KMT2A: variants seen among roughly 807,000 people sequenced by gnomAD.
KMT2A encodes lysine methyltransferase 2A, also known as histone-lysine N-methyltransferase 2A.
A neutral mutation model predicts 345.3 loss-of-function variants in KMT2A; 16 were observed. That is an observed-to-expected ratio of 0.05 (90% CI 0.03 to 0.07). The LOEUF (loss-of-function observed/expected upper bound fraction) is 0.07, where lower values mean the gene tolerates loss of function less well. Among genes scored for constraint, KMT2A ranks in the 10% least tolerant of loss-of-function variants. The probability of loss-of-function intolerance (pLI) is 1.00; values close to 1 mark genes in which losing one functional copy is unlikely to be tolerated. For synonymous variants in KMT2A, 1,599 were observed against 1,778.6 expected (o/e 0.90, Z 2.54); for missense variants, 3,272 against 4,841.6 (o/e 0.68, Z 9.62).
rs1555035777 is a variant in KMT2A, at chr11:118,472,192, A to G, written c.1033A>G (p.Lys345Glu). 2 of 1,613,854 alleles carry G rather than the reference A, an allele frequency of 1.2e-6. No homozygotes were observed. The highest frequency in any genetic ancestry group is 1.7e-6 in the Non-Finnish European group (2 of 1,179,976). ...AACACCTCCACTTACAAAAGAAGAT[A>G]AGACAGTTGTCAGACAAAGCCCTCG... ...EGTPPLTKED[K>E]TVVRQSPRRI... is the part of the protein sequence containing the mutation. The change falls in exon 3 of 36, where the codon AAG (lysine) becomes GAG (glutamate). Residue 345 changes from lysine (K) to glutamate (E), a missense_variant. Around this residue, in one of 27 missense-constraint regions of KMT2A, gnomAD observed 412 missense variants for 511.0 expected, o/e 0.81. Coordinates refer to ENST00000534358, the MANE Select transcript of KMT2A (RefSeq NM_001197104.2).
In KMT2A at chr11:118,520,805, G is replaced by A. The variant is rs376914389; in HGVS notation, c.11433G>A (p.Arg3811=). ...EEEVQLKSAR[R]ATSMDLPMPM... The stretch of plus-strand genomic sequence containing the variant: ...AATAGTATGTCTTATCTCTTAGGAG[G>A]GCAACTAGCATGGATCTGCCAATGC... The change falls in exon 34 of 36, where the codon AGG becomes AGA. Residue 3811 remains arginine (R), a synonymous_variant. Transcript: ENST00000534358. This position sits in a 1 kb window ranked among gnomAD's most constrained non-coding sequence, Gnocchi z 4.3. 2 of 1,613,380 alleles carry A rather than the reference G, an allele frequency of 1.2e-6. No individual in the cohort carries two copies. The highest frequency in any genetic ancestry group is 1.7e-6 in the Non-Finnish European group (2 of 1,179,526).
chr11:118,436,844 G>T lies in KMT2A; in HGVS notation c.332G>T (p.Gly111Val), dbSNP rs1555138772. ...SGPALLRVGPGFDAALQVSAA... is the reference protein window; with the variant it reads ...SGPALLRVGPVFDAALQVSAA... The stretch of plus-strand genomic sequence containing the variant: ...CCGGCCCTGCTCCGGGTGGGCCCGG[G>T]CTTCGACGCGGCGCTGCAGGTCTCG... The change falls in exon 1 of 36, where the codon GGC becomes GTC. Residue 111 changes from glycine to valine, a missense_variant. Physicochemically the swap from Gly to Val is moderately radical, Grantham distance 109. Transcript: ENST00000534358. This position sits in a 1 kb window ranked among gnomAD's most constrained non-coding sequence, Gnocchi z 6.9. The T allele has an allele frequency of 6.2e-7, 1 of 1,603,522 alleles. No individual in the cohort carries two copies. Among genetic ancestry groups the T allele is most frequent in the African/African-American group, 1.3e-5 (1 of 74,588 alleles).
chr11:118,463,598 G>A (rs1370866817), intron 1 of KMT2A, among the ~76,000 whole-genome samples: 1 of 152,076 alleles, frequency 6.6e-6, no homozygotes, highest in Non-Finnish European at 1.5e-5. Flanking sequence ...AATATTTATT[G>A]TTTTATATTG....
chr11:118,517,943 G>A (rs1000889623), intron 31 of KMT2A, among the ~76,000 whole-genome samples: 1 of 152,146 alleles, frequency 6.6e-6, no homozygotes, highest in African/African-American at 2.4e-5. Flanking sequence ...GGAGTGCAGT[G>A]GCATGATCGT....
intron 1 of KMT2A, among the ~76,000 whole-genome samples, chr11:118,465,060 T>C (rs927214374): frequency 2.0e-5 from 3 of 152,164 alleles, no homozygotes; most frequent in Non-Finnish European, 4.4e-5. Context: ...TCAGTATCAT[T>C]AAGTATGCTG....
intron 31 of KMT2A, among the ~76,000 whole-genome samples, chr11:118,517,476 TGTGTTACATA>T (rs1950846068): frequency 6.6e-6 from 1 of 152,086 alleles, no homozygotes; most frequent in African/African-American, 2.4e-5. Flanking sequence ...CTTATACAGT[TGTGTTACATA>T]GTGTTACATA....
intron 2 of KMT2A, among the ~76,000 whole-genome samples, chr11:118,469,907 G>C (rs1301314544): frequency 6.6e-6 from 1 of 152,170 alleles, no homozygotes; most frequent in Non-Finnish European, 1.5e-5. Flanking sequence ...GGCCAGTAGT[G>C]TCCCAGTATC....
chr11:118,494,689 T>C lies in KMT2A; in HGVS notation c.5290-5T>C. On this transcript the variant is annotated splice_polypyrimidine_tract_variant and splice_region_variant and intron_variant, in intron 17 of 35. Transcript: ENST00000534358. The surrounding 1 kb of genome is among the most constrained non-coding windows in gnomAD (Gnocchi z 5.8). ...TATTTACATTTTGTTTGTGTTTTCT[T>C]TTAGCAAATGGAACGTGTTTTTCCA... 6.2e-7 allele frequency: 1 copy of C among 1,613,252 alleles called. No individual in the cohort carries two copies. Among genetic ancestry groups the C allele is most frequent in the Non-Finnish European group, 8.5e-7 (1 of 1,179,490 alleles).
At chr11:118,518,851 G>A (rs1316209312) in intron 31 of KMT2A, among the ~76,000 whole-genome samples, 2 of 151,234 alleles carry the variant, frequency 1.3e-5, no homozygotes, top group African/African-American at 4.9e-5. Flanking sequence ...GCCAAGGCGG[G>A]TGGATCACGA....
At position 118,504,138 on chromosome 11, in the gene KMT2A, A is replaced by C; in HGVS notation, c.8246A>C (p.Lys2749Thr). Residue 2749 changes from lysine to threonine, a missense_variant, in exon 27 of 36, where the codon AAA becomes ACA. By Grantham distance (78) the Lys-to-Thr change is moderately conservative. Coordinates refer to ENST00000534358, the MANE Select transcript of KMT2A (RefSeq NM_001197104.2). The surrounding 1 kb of genome is among the most constrained non-coding windows in gnomAD (Gnocchi z 6.4). ...KSSQIPKRNG[K>T]ENGTENLKID... Reference sequence around the variant, plus strand: ...AGCCAGATTCCAAAAAGAAATGGTAAAGAAAATGGAACAGAGAACTTAAAG... The same window carrying C: ...AGCCAGATTCCAAAAAGAAATGGTACAGAAAATGGAACAGAGAACTTAAAG... 1 of 1,614,246 alleles carries C rather than the reference A, an allele frequency of 6.2e-7. No individual in the cohort carries two copies. Among genetic ancestry groups the C allele is most frequent in the Non-Finnish European group, 8.5e-7 (1 of 1,180,044 alleles).
At chr11:118,512,125 A>T (rs782759721) in intron 31 of KMT2A, 100 bp downstream of exon 31, 26 of 1,071,650 alleles carry the variant, frequency 2.4e-5, no homozygotes, top group Non-Finnish European at 3.1e-5. Flanking sequence ...TCAGTTAAAA[A>T]TTTTTTTCAC....
chr11:118,506,677 T>C (rs1950590078), intron 27 of KMT2A, 31 bp downstream of exon 27: 1 of 1,541,898 alleles, frequency 6.5e-7, no homozygotes, highest in African/African-American at 1.4e-5. Flanking sequence ...CTAGGCTGGG[T>C]CTGTGGGATT....
In KMT2A at chr11:118,497,962, C is replaced by A. The variant is rs782256438; in HGVS notation, c.5691C>A (p.Gly1897=). The A allele has an allele frequency of 1.9e-6, 3 of 1,612,958 alleles. No individual in the cohort carries two copies. Among genetic ancestry groups the A allele is most frequent in the Non-Finnish European group, 1.7e-6 (2 of 1,179,028 alleles). Residue 1897 remains glycine (G), a synonymous_variant, in exon 21 of 36, where the codon GGC becomes GGA. Transcript: ENST00000534358. This position sits in a 1 kb window ranked among gnomAD's most constrained non-coding sequence, Gnocchi z 4.8. ...ATGCTGGTCGTTTACTATATATTGG[C>A]CAAAATGAGTGGACACATGTAAATT... The part of the protein sequence containing the change: ...ANDAGRLLYI[G]QNEWTHVNCA...
intron 1 of KMT2A, among the ~76,000 whole-genome samples, chr11:118,461,932 T>A (rs1949751372): frequency 6.6e-6 from 1 of 152,080 alleles, no homozygotes; most frequent in Non-Finnish European, 1.5e-5. Context: ...AAAGGAGGAC[T>A]TTTTTGCAGC....
Position 118,498,653 on chromosome 11 carries a change from C to T in KMT2A, c.5961+125C>T, listed in dbSNP as rs987435672. The T allele has an allele frequency of 1.8e-5, 16 of 874,972 alleles. No individual in the cohort carries two copies. The South Asian group carries it at 2.4e-4, about 13-fold the overall frequency. The allele number at this position is 874,972 out of a possible 1,614,324, so 54.2% of individuals were successfully genotyped here. A position where few individuals can be genotyped will look rare whatever the true frequency, so the allele number is the denominator to read the frequency against. On this transcript the variant is annotated intron_variant, in intron 22 of 35. Transcript: ENST00000534358. The surrounding 1 kb of genome is among the most constrained non-coding windows in gnomAD (Gnocchi z 4.4). The stretch of plus-strand genomic sequence containing the variant: ...TATGCCCCCTGCACCCACATATGCA[C>T]AGCCTCCCCCATGATCAGCATCCCC...
chr11:118,482,777 A>G (rs1555039717), intron 8 of KMT2A, among the ~76,000 whole-genome samples: 2 of 151,340 alleles, frequency 1.3e-5, no homozygotes, highest in Admixed American at 1.3e-4. Flanking sequence ...GAAGAAGAAG[A>G]AGAAGTTAGC....
Position 118,436,919 on chromosome 11 carries a change from G to A in KMT2A, c.407G>A (p.Ser136Asn), listed in dbSNP as rs782313440. Residue 136 changes from serine (S) to asparagine (N), a missense_variant, in exon 1 of 36, where the codon AGC becomes AAC. Coordinates refer to ENST00000534358, the MANE Select transcript of KMT2A (RefSeq NM_001197104.2). This position sits in a 1 kb window ranked among gnomAD's most constrained non-coding sequence, Gnocchi z 6.9. ...LRRFRAVFGE[S>N]GGGGGSGEDE... ...CGGTTCCGGGCCGTGTTTGGGGAGA[G>A]CGGCGGGGGAGGCGGCAGCGGAGAG... 2 of 1,556,572 alleles carry A rather than the reference G, an allele frequency of 1.3e-6. No homozygotes were observed. Among genetic ancestry groups the A allele is most frequent in the Admixed American group, 3.7e-5 (2 of 53,556 alleles).
intron 2 of KMT2A, among the ~76,000 whole-genome samples, chr11:118,471,416 CTT>C (rs1208439726): frequency 1.3e-5 from 2 of 152,070 alleles, no homozygotes; most frequent in Non-Finnish European, 2.9e-5. Context: ...CAACTGAAAA[CTT>C]TTTATTATCT....
In KMT2A at chr11:118,475,058, C is replaced by T. The variant is rs1054180830; in HGVS notation, c.3156+743C>T. On this transcript the variant is annotated intron_variant, in intron 3 of 35. Coordinates refer to ENST00000534358, the MANE Select transcript of KMT2A (RefSeq NM_001197104.2). ...TGAGGCACAAGAATCTCTTGAACCC[C>T]GGAGGTAGAGATGGCAGTGAGCTGA... 5.9e-5 allele frequency among the ~76,000 whole-genome samples: 9 copies of T among 152,174 alleles called. No individual in the cohort carries two copies. In the East Asian group the frequency reaches 9.7e-4, roughly 16 times the overall value.
Sources: gnomAD v4.1 joint callset for allele counts (sites outside exome capture counted in the v4.1 genomes callset) on GRCh38, gnomAD v4.1.1 for gene constraint, gnomAD v4.1.1 regional missense constraint, Gnocchi (gnomAD v3.1) non-coding constraint, MANE v1.5 for transcripts, NCBI Gene and HGNC (gene_info 2026-07-23, HGNC 2026-07-21) for gene names.